Variants in PARN observed in about 807,000 individuals in gnomAD.
PARN encodes poly(A)-specific ribonuclease, also known as poly(A)-specific ribonuclease PARN.
In PARN, 71 loss-of-function variants were observed where a neutral mutation model predicts 102.8. That is an observed-to-expected ratio of 0.69 (90% CI 0.57 to 0.84). The LOEUF is 0.84. Ranked by LOEUF, PARN falls within the 40% of genes least tolerant of loss-of-function variation. The pLI is 0.00. For missense variants in PARN, 782 were observed against 760.9 expected, an observed-to-expected ratio of 1.03 and a Z score of -0.33; for synonymous variants, 261 against 252.9, an observed-to-expected ratio of 1.03 and a Z score of -0.30.
At chr16:14,446,775 C>T in intron 23 of PARN, 113 bp downstream of exon 23, 1 of 689,228 alleles carries the variant, frequency 1.5e-6, no homozygotes, top group Non-Finnish European at 2.4e-6. Flanking sequence ...TGGAAGACTA[C>T]ATGGGCTTTG....
chr16:14,623,499 C>A (rs1216485466), intron 5 of PARN, among the ~76,000 whole-genome samples: 2 of 143,088 alleles, frequency 1.4e-5, no homozygotes, highest in Non-Finnish European at 3.1e-5. Context: ...GGAAACAGAG[C>A]AAAACCCCAT....
intron 9 of PARN, among the ~76,000 whole-genome samples, chr16:14,607,203 TTTTA>T (rs916974917): frequency 4.6e-5 from 7 of 152,100 alleles, no homozygotes; most frequent in South Asian, 2.1e-4. Context: ...AGTCTTTTTA[TTTTA>T]TTTATTTATT....
At chr16:14,616,300 C>CT (rs1458828277) in intron 6 of PARN, among the ~76,000 whole-genome samples, 1 of 152,186 alleles carries the variant, frequency 6.6e-6, no homozygotes, top group African/African-American at 2.4e-5. Flanking sequence ...AGAAATCATG[C>CT]TATGCAAGGG....
In PARN at chr16:14,530,975, T is replaced by TCATCCATCCATCCATC. The variant is rs56403427; in HGVS notation, c.1480+21030_1480+21045dup. On this transcript the variant is annotated intron_variant, in intron 21 of 23. Transcript: ENST00000437198. ...TTCATTCATGCATGCATTCATTCAT[T>TCATCCATCCATCCATC]CATCCATCCATCCATCCATCCATCC... Among the ~76,000 whole-genome samples, 241 of 151,494 alleles carry TCATCCATCCATCCATC rather than the reference T, an allele frequency of 1.6e-3. No individual in the cohort carries two copies. The Middle Eastern group carries it at 0.034, about 22-fold the overall frequency.
At chr16:14,588,488 C>A (rs1392793239) in intron 13 of PARN, among the ~76,000 whole-genome samples, 2 of 152,146 alleles carry the variant, frequency 1.3e-5, no homozygotes, top group African/African-American at 4.8e-5. Flanking sequence ...ATATTTAATG[C>A]CTTCTAGTGC....
chr16:14,454,056 G>T (rs1395681743), intron 22 of PARN, among the ~76,000 whole-genome samples: 1 of 152,122 alleles, frequency 6.6e-6, no homozygotes, highest in African/African-American at 2.4e-5. Context: ...CTGTTGAAAT[G>T]TTTTGACCTC....
At chr16:14,559,333 T>C (rs1243190717) in intron 18 of PARN, among the ~76,000 whole-genome samples, 1 of 152,118 alleles carries the variant, frequency 6.6e-6, no homozygotes, top group African/African-American at 2.4e-5. Context: ...TCTCTAATAT[T>C]TCACCTGAAT....
chr16:14,444,483 T>C (rs1362670198), intron 23 of PARN, among the ~76,000 whole-genome samples: 1 of 152,206 alleles, frequency 6.6e-6, no homozygotes, highest in East Asian at 1.9e-4. Flanking sequence ...CTTAAAATGA[T>C]GAAAGCTATA....
At chr16:14,615,420 T>C (rs1034513013) in intron 6 of PARN, among the ~76,000 whole-genome samples, 2 of 152,200 alleles carry the variant, frequency 1.3e-5, no homozygotes, top group South Asian at 2.1e-4. Context: ...TTGGAACTTA[T>C]ATTTTATAAT....
In PARN at chr16:14,446,907, C is replaced by T; in HGVS notation, c.1845G>A (p.Lys615=). ...RKKAKKLKRM[K]KELSPAGSIS... ...ACAAACCTGCTGGAGAAAGCTCCTT[C>T]TTCATTCTTTTTAATTTCTTGGCCT... The change falls in exon 23 of 24, where the codon AAG becomes AAA. Residue 615 remains lysine (K), a synonymous_variant. Transcript: ENST00000437198. 6.2e-7 allele frequency: 1 copy of T among 1,613,132 alleles called. No homozygotes were observed. The highest frequency in any genetic ancestry group is 8.5e-7 in the Non-Finnish European group (1 of 1,179,460).
At chr16:14,604,523 A>C (rs2151788128) in intron 10 of PARN, among the ~76,000 whole-genome samples, 1 of 152,266 alleles carries the variant, frequency 6.6e-6, no homozygotes, top group Non-Finnish European at 1.5e-5. Context: ...AGTCTCCCAA[A>C]GTGCTGGGAT....
chr16:14,478,832 A>G (rs1329852416), intron 22 of PARN, among the ~76,000 whole-genome samples: 1 of 152,190 alleles, frequency 6.6e-6, no homozygotes, highest in Non-Finnish European at 1.5e-5. Context: ...CCCAGGCTGA[A>G]GTGCAATGGC....
intron 18 of PARN, among the ~76,000 whole-genome samples, chr16:14,562,227 A>T (rs899008685): frequency 7.9e-5 from 12 of 152,208 alleles, no homozygotes; most frequent in Non-Finnish European, 4.4e-5. Context: ...CCGTAATCCC[A>T]GCACCTGGGG....
At chr16:14,601,222 C>A (rs1970846516) in intron 11 of PARN, among the ~76,000 whole-genome samples, 1 of 152,074 alleles carries the variant, frequency 6.6e-6, no homozygotes, top group Admixed American at 6.6e-5. Flanking sequence ...TGTCCACAAA[C>A]AAATGGATAA....
chr16:14,582,939 T>TC (rs1170075574), intron 16 of PARN, among the ~76,000 whole-genome samples: 4 of 151,912 alleles, frequency 2.6e-5, no homozygotes, highest in Admixed American at 6.6e-5. Context: ...GAGGCAACCC[T>TC]CCCCCAAAAA....
At chr16:14,544,781 T>A (rs1294316815) in intron 21 of PARN, among the ~76,000 whole-genome samples, 1 of 152,058 alleles carries the variant, frequency 6.6e-6, no homozygotes, top group African/African-American at 2.4e-5. Context: ...ACAAAATACA[T>A]GACATGAAAA....
intron 21 of PARN, among the ~76,000 whole-genome samples, chr16:14,541,577 G>A (rs1403784534): frequency 2.0e-5 from 3 of 152,108 alleles, no homozygotes. Context: ...CTGGGTTCAA[G>A]TGATTCTCCT....
At chr16:14,457,797 CAAAAAAAAAAAAAAAAA>C (rs35170336) in intron 22 of PARN, among the ~76,000 whole-genome samples, 1 of 30,154 alleles carries the variant, frequency 3.3e-5, no homozygotes, top group Non-Finnish European at 5.4e-5. Flanking sequence ...GACTCTGTCT[CAAAAAAAAAAAAAAAAA>C]AAAAAAAAAA....
In PARN at chr16:14,551,818, T is replaced by C. The variant is rs112899176; in HGVS notation, c.1480+203A>G. On this transcript the variant is annotated intron_variant, in intron 21 of 23. Coordinates refer to ENST00000437198, the MANE Select transcript of PARN (RefSeq NM_002582.4). ...AAAATATACTATGTAGCATACCTAA[T>C]GAATCAAAAGAGATTTGTCTTATTT... is the stretch of plus-strand genomic sequence containing the variant. Among the ~76,000 whole-genome samples, 351 of 152,328 alleles carry C rather than the reference T, an allele frequency of 2.3e-3. 3 individuals carry two copies. The highest frequency in any genetic ancestry group is 2.5e-3 in the Non-Finnish European group (171 of 68,030).
Sources: allele counts gnomAD v4.1 joint callset (sites outside exome capture counted in the v4.1 genomes callset), GRCh38; gene constraint gnomAD v4.1.1; transcripts MANE v1.5; gene names NCBI Gene and HGNC (gene_info 2026-07-23, HGNC 2026-07-21).